The following DIAPH3 variants were observed in gnomAD, a reference collection of about 807,000 sequenced individuals.
DIAPH3 encodes the protein protein diaphanous homolog 3.
Under a neutral mutation model 144.3 loss-of-function variants are expected in DIAPH3, and 117 were observed. That is an observed-to-expected ratio of 0.81 (90% CI 0.70 to 0.95). DIAPH3 has a LOEUF of 0.95. Ranked by LOEUF, DIAPH3 falls within the 40% of genes least tolerant of loss-of-function variation. The pLI is 0.00. For missense variants in DIAPH3, 1,421 were observed against 1,412.7 expected (o/e 1.01, Z -0.09); for synonymous variants, 519 against 488.9 (o/e 1.06, Z -0.81).
At chr13:60,118,064 T>A (rs2058743213) in intron 2 of DIAPH3, among the ~76,000 whole-genome samples, 1 of 152,176 alleles carries the variant, frequency 6.6e-6, no homozygotes, top group African/African-American at 2.4e-5. Context: ...CCACACTTCA[T>A]TAATATGGCT....
At chr13:59,978,747 T>C (rs961222092) in intron 14 of DIAPH3, among the ~76,000 whole-genome samples, 8 of 151,680 alleles carry the variant, frequency 5.3e-5, no homozygotes, top group African/African-American at 1.7e-4. Context: ...TAAAAACTGA[T>C]ATGATAGCCT....
chr13:59,713,238 G>GA (rs1555278505), intron 27 of DIAPH3, among the ~76,000 whole-genome samples: 20 of 140,892 alleles, frequency 1.4e-4, no homozygotes, highest in African/African-American at 4.9e-4. Context: ...TAATCTGAAG[G>GA]TTTTTTTTTT....
chr13:59,680,642 T>C (rs1474161065), intron 27 of DIAPH3, among the ~76,000 whole-genome samples: 1 of 151,924 alleles, frequency 6.6e-6, no homozygotes, highest in Non-Finnish European at 1.5e-5. Flanking sequence ...GCTACACCTG[T>C]CACCAATCAT....
At chr13:59,981,131 T>C (rs2050981082) in intron 13 of DIAPH3, among the ~76,000 whole-genome samples, 1 of 151,274 alleles carries the variant, frequency 6.6e-6, no homozygotes, top group Non-Finnish European at 1.5e-5. Context: ...AACACTCAAA[T>C]GTTTCTATCA....
chr13:59,823,645 T>A (rs1418648945), intron 24 of DIAPH3, among the ~76,000 whole-genome samples: 1 of 152,128 alleles, frequency 6.6e-6, no homozygotes, highest in Non-Finnish European at 1.5e-5. Flanking sequence ...AATGAGTCAA[T>A]CTACAAGATT....
chr13:59,752,625 T>G (rs2037067900), intron 27 of DIAPH3, among the ~76,000 whole-genome samples: 1 of 152,122 alleles, frequency 6.6e-6, no homozygotes, highest in South Asian at 2.1e-4. Context: ...GTCTTGGACT[T>G]CCAAAGTGCT....
At chr13:59,709,478 A>C (rs2034611400) in intron 27 of DIAPH3, among the ~76,000 whole-genome samples, 1 of 152,236 alleles carries the variant, frequency 6.6e-6, no homozygotes, top group East Asian at 1.9e-4. Context: ...TATGCAGCCA[A>C]AAAACACATG....
chr13:59,937,866 G>A (rs1350976333), intron 17 of DIAPH3, among the ~76,000 whole-genome samples: 1 of 152,154 alleles, frequency 6.6e-6, no homozygotes, highest in Non-Finnish European at 1.5e-5. Context: ...GTGGGGAATG[G>A]AGTGTGGGTG....
chr13:60,089,321 A>G (rs1172259559), intron 4 of DIAPH3, among the ~76,000 whole-genome samples: 1 of 152,226 alleles, frequency 6.6e-6, no homozygotes, highest in Non-Finnish European at 1.5e-5. Context: ...ATCTTTTAAC[A>G]GTATCTGATG....
intron 2 of DIAPH3, among the ~76,000 whole-genome samples, chr13:60,119,161 T>C (rs1387753356): frequency 2.0e-5 from 3 of 152,188 alleles, no homozygotes; most frequent in Non-Finnish European, 4.4e-5. Context: ...TAAAAGATTT[T>C]ACAGCTTTTG....
intron 20 of DIAPH3, among the ~76,000 whole-genome samples, chr13:59,889,705 C>T (rs1185669062): frequency 6.6e-6 from 1 of 152,054 alleles, no homozygotes; most frequent in Non-Finnish European, 1.5e-5. Context: ...CATATAACCA[C>T]TCTCAGTTCT....
chr13:59,731,204 CAGA>C (rs2035876815), intron 27 of DIAPH3, among the ~76,000 whole-genome samples: 1 of 152,066 alleles, frequency 6.6e-6, no homozygotes, highest in Non-Finnish European at 1.5e-5. Context: ...CTTGCTGTTG[CAGA>C]AGAAGGTGGA....
chr13:59,890,658 TTCTC>T (rs1246001095), intron 20 of DIAPH3, among the ~76,000 whole-genome samples: 2 of 151,968 alleles, frequency 1.3e-5, no homozygotes, highest in African/African-American at 4.8e-5. Flanking sequence ...ATCATATTCT[TTCTC>T]TCTTCTTCTC....
chr13:60,113,372 G>T (rs1478105284), intron 2 of DIAPH3, among the ~76,000 whole-genome samples: 1 of 152,110 alleles, frequency 6.6e-6, no homozygotes, highest in Non-Finnish European at 1.5e-5. Context: ...TCACAGTATT[G>T]TTTATTCAAT....
chr13:60,083,138 C>T (rs987020236), intron 4 of DIAPH3, among the ~76,000 whole-genome samples: 8 of 151,940 alleles, frequency 5.3e-5, no homozygotes, highest in African/African-American at 1.9e-4. Flanking sequence ...ATCAAAATGA[C>T]TAGGAGCCAA....
intron 25 of DIAPH3, among the ~76,000 whole-genome samples, chr13:59,786,249 T>A (rs1221659354): frequency 1.3e-5 from 2 of 152,202 alleles, no homozygotes; most frequent in Admixed American, 1.3e-4. Flanking sequence ...CAAATTTGAA[T>A]CTAAATAATT....
intron 17 of DIAPH3, among the ~76,000 whole-genome samples, chr13:59,958,801 C>G (rs2049562442): frequency 6.7e-6 from 1 of 149,692 alleles, no homozygotes; most frequent in Non-Finnish European, 1.5e-5. Flanking sequence ...TCTAGAAAGG[C>G]ATTTTTGGCT....
At position 59,833,155 on chromosome 13, in the gene DIAPH3, A is replaced by AG. The variant is rs1482475346; in HGVS notation, c.2978dup (p.Val994CysfsTer7). The AG allele has an allele frequency of 1.2e-6, 2 of 1,610,916 alleles. No individual in the cohort carries two copies. The highest frequency in any genetic ancestry group is 1.7e-6 in the Non-Finnish European group (2 of 1,178,104). On this transcript the variant is annotated frameshift_variant, in exon 24 of 28. Coordinates refer to ENST00000400324, the MANE Select transcript of DIAPH3 (RefSeq NM_001042517.2). LOFTEE classifies it high-confidence loss of function. ...TCAGGTCAGTAAGAAAGTCTTCCAC[A>AG]GACACCTTCTTCACATCAATGGCAT...
intron 9 of DIAPH3, among the ~76,000 whole-genome samples, chr13:60,008,140 T>A (rs532177502): frequency 8.5e-5 from 13 of 152,254 alleles, no homozygotes; most frequent in Middle Eastern, 3.4e-3. Flanking sequence ...ATGCCTGTAA[T>A]CCCAGCACTT....
Sources: gnomAD v4.1 joint callset for allele counts (sites outside exome capture counted in the v4.1 genomes callset) on GRCh38, gnomAD v4.1.1 for gene constraint, MANE v1.5 for transcripts, NCBI Gene and HGNC (gene_info 2026-07-23, HGNC 2026-07-21) for gene names.